The following ZNF184 variants were observed in gnomAD, a reference collection of about 807,000 sequenced individuals.
ZNF184 encodes the protein zinc finger protein 184 (Kruppel-like).
ZNF184 carries 16 observed loss-of-function variants against 54.4 expected under a neutral mutation model. The ratio of observed to expected loss-of-function variants is 0.29; its 90% confidence interval spans 0.20 to 0.45. ZNF184 has a LOEUF of 0.45. Ranked by LOEUF, ZNF184 falls within the 20% of genes least tolerant of loss-of-function variation. The probability of loss-of-function intolerance (pLI) is 1.00; values close to 1 mark genes in which losing one functional copy is unlikely to be tolerated. For synonymous variants in ZNF184, 254 were observed against 295.3 expected (o/e 0.86, Z 1.43); for missense variants, 681 against 888.2 (o/e 0.77, Z 2.97).
the ZNF184 span, among the ~76,000 whole-genome samples, chr6:27,443,227 C>T: frequency 6.6e-6 from 1 of 152,206 alleles, no homozygotes; most frequent in Non-Finnish European, 1.5e-5. Flanking sequence ...GTATTCCACA[C>T]CTGACTTAAC....
At chr6:27,471,362 A>G (rs1763270890) in intron 2 of ZNF184, among the ~76,000 whole-genome samples, 1 of 152,246 alleles carries the variant, frequency 6.6e-6, no homozygotes, top group Admixed American at 6.5e-5. Flanking sequence ...ATTAAGGATA[A>G]TAATAATTCC....
the ZNF184 span, among the ~76,000 whole-genome samples, chr6:27,423,764 C>T: frequency 6.6e-6 from 1 of 152,152 alleles, no homozygotes; most frequent in African/African-American, 2.4e-5. Context: ...TAGGTTTATG[C>T]TTAACAAAAA....
chr6:27,405,674 G>C, the ZNF184 span: 1 of 152,276 alleles, frequency 6.6e-6, no homozygotes, highest in East Asian at 1.9e-4. Context: ...GTCCCAGTCT[G>C]GGGGGGTCAT....
the ZNF184 span, among the ~76,000 whole-genome samples, chr6:27,423,843 T>C: frequency 6.6e-5 from 10 of 152,392 alleles, no homozygotes; most frequent in East Asian, 1.9e-3. Flanking sequence ...TAATATTCTT[T>C]TACAATGTAA....
the ZNF184 span, among the ~76,000 whole-genome samples, chr6:27,445,621 T>C: frequency 6.6e-6 from 1 of 151,236 alleles, no homozygotes; most frequent in Non-Finnish European, 1.5e-5. Context: ...CCCTCACCAT[T>C]TGTTGGTGCC....
rs767602882 is a variant in ZNF184 at position 27,467,873 on chromosome 6, G to A, written c.55C>T (p.Leu19Phe). ...STLLQGGHNL[L>F]SSASFQEAVT... ...CTTACCTGAAAACTGGCTGATGAGA[G>A]TAGATTATGTCCCCCTTGGAGAAGG... is the stretch of plus-strand genomic sequence containing the variant. Residue 19 changes from leucine to phenylalanine, a missense_variant, in exon 3 of 6, where the codon CTC (leucine) becomes TTC (phenylalanine). By Grantham distance (22) the Leu-to-Phe change is conservative. Coordinates refer to ENST00000683788, the MANE Select transcript of ZNF184 (RefSeq NM_001318891.2). 2.5e-6 allele frequency: 4 copies of A among 1,612,186 alleles called. No individual in the cohort carries two copies. The highest frequency in any genetic ancestry group is 3.4e-6 in the Non-Finnish European group (4 of 1,179,162).
chr6:27,429,419 T>C, the ZNF184 span, among the ~76,000 whole-genome samples: 90,401 of 151,958 alleles, frequency 0.59, 27,230 homozygotes, highest in Middle Eastern at 0.75. Flanking sequence ...CACTCAGCAA[T>C]GTTAACCTAT....
At chr6:27,414,984 C>T in the ZNF184 span, among the ~76,000 whole-genome samples, 2 of 152,146 alleles carry the variant, frequency 1.3e-5, no homozygotes, top group Non-Finnish European at 2.9e-5. Context: ...AGGCTGTTTC[C>T]TAAAATGTAA....
chr6:27,472,787 T>G lies in ZNF184; in HGVS notation c.-198A>C. 6.4e-6 allele frequency: 1 copy of G among 156,686 alleles called. No homozygotes were observed. The highest frequency in any genetic ancestry group is 1.4e-5 in the Non-Finnish European group (1 of 70,648). The allele number at this position is 156,686 out of a possible 1,614,324, so 9.7% of individuals were successfully genotyped here. Reference sequence around the variant, plus strand: ...AACAGGGCGGGGCCCGGCACCCGACTTCCCCTTAGGCCAGAACAAAAGAAC... The same window carrying G: ...AACAGGGCGGGGCCCGGCACCCGACGTCCCCTTAGGCCAGAACAAAAGAAC... On this transcript the variant is annotated 5_prime_UTR_variant, in exon 1 of 6. Coordinates refer to ENST00000683788, the MANE Select transcript of ZNF184 (RefSeq NM_001318891.2). This position sits in a 1 kb window ranked among gnomAD's most constrained non-coding sequence, Gnocchi z 4.8.
downstream of ZNF184, among the ~76,000 whole-genome samples, chr6:27,447,542 G>A (rs1216192790): frequency 2.6e-5 from 4 of 151,838 alleles, no homozygotes; most frequent in African/African-American, 7.3e-5. Flanking sequence ...GTGAAACCCC[G>A]TCTCTACTAT....
Position 27,467,840 on chromosome 6 carries a change from A to G in ZNF184, c.75+13T>C. Reference sequence around the variant, plus strand: ...TAAAGAATAAAATGGCATTTCAAGAAACCACATCTTACCTGAAAACTGGCT... The same window carrying G: ...TAAAGAATAAAATGGCATTTCAAGAGACCACATCTTACCTGAAAACTGGCT... On this transcript the variant is annotated intron_variant, in intron 3 of 5. Coordinates refer to ENST00000683788, the MANE Select transcript of ZNF184 (RefSeq NM_001318891.2). 1 of 1,600,066 alleles carries G rather than the reference A, an allele frequency of 6.2e-7. No homozygotes were observed. The highest frequency in any genetic ancestry group is 8.5e-7 in the Non-Finnish European group (1 of 1,175,348).
chr6:27,408,837 T>G, the ZNF184 span, among the ~76,000 whole-genome samples: 1 of 152,202 alleles, frequency 6.6e-6, no homozygotes, highest in Non-Finnish European at 1.5e-5. Context: ...CTTTTAGGAA[T>G]GTCAGGACTT....
intron 3 of ZNF184, 61 bp from the exon 4 acceptor site, chr6:27,457,470 T>C (rs749414025): frequency 6.3e-6 from 10 of 1,580,802 alleles, no homozygotes; most frequent in African/African-American, 2.7e-5. Flanking sequence ...GGGGTAAAGT[T>C]AGCAATACTG....
chr6:27,422,452 C>G, the ZNF184 span, among the ~76,000 whole-genome samples: 99 of 151,934 alleles, frequency 6.5e-4, no homozygotes, highest in Non-Finnish European at 1.3e-3. Flanking sequence ...CCTTATCTTT[C>G]TGTAATCCAT....
the ZNF184 span, among the ~76,000 whole-genome samples, chr6:27,407,405 A>G: frequency 2.6e-5 from 4 of 152,056 alleles, no homozygotes; most frequent in South Asian, 6.2e-4. Context: ...CTTTCTCTCT[A>G]TGGGCACGAG....
Position 27,453,088 on chromosome 6 carries a change from T to C in ZNF184, c.471A>G (p.Gln157=). ...CCTTTATTTCCTTTGGCAGTGTCTG[T>C]TGGTTTGCCTGCTGTCTCTCTAAAC... ...EGSLERQQAN[Q]QTLPKEIKVT... Residue 157 remains glutamine (Q), a synonymous_variant, in exon 6 of 6, where the codon CAA becomes CAG. Transcript: ENST00000683788. The surrounding 1 kb of genome is among the most constrained non-coding windows in gnomAD (Gnocchi z 4.7). 1 of 1,614,130 alleles carries C rather than the reference T, an allele frequency of 6.2e-7. No individual in the cohort carries two copies.
intron 3 of ZNF184, among the ~76,000 whole-genome samples, chr6:27,463,222 A>G (rs1450011837): frequency 1.3e-5 from 2 of 151,158 alleles, no homozygotes; most frequent in Non-Finnish European, 2.9e-5. Context: ...ACATGTATAC[A>G]TATGTAACAA....
chr6:27,415,547 A>G, the ZNF184 span, among the ~76,000 whole-genome samples: 8 of 152,206 alleles, frequency 5.3e-5, no homozygotes, highest in Admixed American at 5.2e-4. Flanking sequence ...GGATGCAATA[A>G]GGAATTAAAG....
chr6:27,472,493 C>T lies in ZNF184; in HGVS notation c.-139-60G>A. 1 of 623,710 alleles carries T rather than the reference C, an allele frequency of 1.6e-6. No individual in the cohort carries two copies. The highest frequency in any genetic ancestry group is 2.8e-6 in the Non-Finnish European group (1 of 353,426). The allele number at this position is 623,710 out of a possible 1,614,324, so 38.6% of individuals were successfully genotyped here. The stretch of plus-strand genomic sequence containing the variant: ...CACACAATCACACATCAGAGTCTTG[C>T]AAAGTGACCAAGAGGTGCTACACAA... On this transcript the variant is annotated intron_variant, in intron 1 of 5. Transcript: ENST00000683788. The surrounding 1 kb of genome is among the most constrained non-coding windows in gnomAD (Gnocchi z 4.8).
Sources: allele counts gnomAD v4.1 joint callset (sites outside exome capture counted in the v4.1 genomes callset), GRCh38; gene constraint gnomAD v4.1.1; non-coding constraint Gnocchi (gnomAD v3.1); transcripts MANE v1.5; gene names NCBI Gene and HGNC (gene_info 2026-07-23, HGNC 2026-07-21).